Variants in TMPRSS11F observed in about 807,000 individuals in gnomAD.
TMPRSS11F encodes transmembrane serine protease 11F.
TMPRSS11F carries 47 observed loss-of-function variants against 60.2 expected under a neutral mutation model. The observed-to-expected ratio is 0.78, with a 90% CI of 0.62 to 1.00. The LOEUF is 1.00. Ranked by LOEUF, TMPRSS11F falls within the 50% of genes least tolerant of loss-of-function variation. The pLI is 0.00. For missense variants in TMPRSS11F, 519 were observed against 522.9 expected (o/e 0.99, Z 0.07); for synonymous variants, 166 against 167.3 (o/e 0.99, Z 0.06).
chr4:68,057,191 A>G (rs572800549), intron 9 of TMPRSS11F, among the ~76,000 whole-genome samples: 4 of 151,446 alleles, frequency 2.6e-5, no homozygotes, highest in Non-Finnish European at 5.9e-5. Context: ...AAGCTGAGAC[A>G]GGAGAATAAC....
intron 3 of TMPRSS11F, among the ~76,000 whole-genome samples, chr4:68,086,043 A>G (rs147071225): frequency 1.7e-3 from 252 of 152,256 alleles, no homozygotes; most frequent in African/African-American, 5.8e-3. Flanking sequence ...ACAAACACCT[A>G]CAGAATACTA....
Position 68,053,849 on chromosome 4 carries a change from A to G in TMPRSS11F, c.*60T>C. On this transcript the variant is annotated 3_prime_UTR_variant, in exon 10 of 10. Coordinates refer to ENST00000356291, the MANE Select transcript of TMPRSS11F (RefSeq NM_207407.2). The stretch of plus-strand genomic sequence containing the variant: ...TCCAAAGTAAATGAATTTAAACAAT[A>G]CAAAATACGCAGGAGTATCAGCTCT... 6.7e-7 allele frequency: 1 copy of G among 1,496,572 alleles called. No homozygotes were observed. Among genetic ancestry groups the G allele is most frequent in the Non-Finnish European group, 9.1e-7 (1 of 1,093,946 alleles). The allele number at this position is 1,496,572 out of a possible 1,614,324, so 92.7% of individuals were successfully genotyped here. A position where few individuals can be genotyped will look rare whatever the true frequency, so the allele number is the denominator to read the frequency against.
At chr4:68,082,134 G>A (rs76167385) in intron 3 of TMPRSS11F, among the ~76,000 whole-genome samples, 2,094 of 152,238 alleles carry the variant, frequency 0.014, 58 homozygotes, top group African/African-American at 0.047. Flanking sequence ...AACCCTATGT[G>A]GTCTTGCTGG....
At chr4:68,085,907 T>C (rs1303885867) in intron 3 of TMPRSS11F, among the ~76,000 whole-genome samples, 1 of 152,138 alleles carries the variant, frequency 6.6e-6, no homozygotes, top group Non-Finnish European at 1.5e-5. Flanking sequence ...TATGAAGACT[T>C]GGACAGCTAC....
intron 3 of TMPRSS11F, among the ~76,000 whole-genome samples, chr4:68,088,484 C>T (rs1235611614): frequency 8.6e-5 from 13 of 151,436 alleles, no homozygotes; most frequent in African/African-American, 1.9e-4. Context: ...GACAGATCAA[C>T]GAGACAGAAA....
At chr4:68,070,834 C>T (rs1034584915) in intron 5 of TMPRSS11F, among the ~76,000 whole-genome samples, 15 of 152,252 alleles carry the variant, frequency 9.9e-5, no homozygotes, top group Middle Eastern at 3.4e-3. Context: ...AAAAGGGATG[C>T]GAGCCCCAAT....
intron 3 of TMPRSS11F, among the ~76,000 whole-genome samples, chr4:68,079,021 C>A (rs574032920): frequency 8.4e-6 from 1 of 118,992 alleles, no homozygotes; most frequent in South Asian, 2.8e-4. Context: ...TATTAACAAA[C>A]CATAGTCCCC....
At chr4:68,087,409 T>C (rs1274935470) in intron 3 of TMPRSS11F, among the ~76,000 whole-genome samples, 1 of 152,124 alleles carries the variant, frequency 6.6e-6, no homozygotes, top group East Asian at 1.9e-4. Flanking sequence ...AACATCACAC[T>C]GAATGGGCAA....
In TMPRSS11F at chr4:68,053,918, A is replaced by C. The variant is rs1252138253; in HGVS notation, c.1308T>G (p.Thr436=). The C allele has an allele frequency of 1.9e-6, 3 of 1,613,186 alleles. No homozygotes were observed. Among genetic ancestry groups the C allele is most frequent in the African/African-American group, 2.7e-5 (2 of 74,900 alleles). ...TCATGGGCAATCCACACTACATACC[A>C]GTCTTTGAGGCAATCCAATCTCGAT... ...TKYRDWIASK[T]GM Residue 436 remains threonine (T), a synonymous_variant, in exon 10 of 10, where the codon ACT becomes ACG. Coordinates refer to ENST00000356291, the MANE Select transcript of TMPRSS11F (RefSeq NM_207407.2).
At chr4:68,092,033 G>T (rs963209752) in intron 2 of TMPRSS11F, among the ~76,000 whole-genome samples, 2 of 151,978 alleles carry the variant, frequency 1.3e-5, no homozygotes, top group African/African-American at 2.4e-5. Context: ...TGATCCATGA[G>T]CCTAGGCCTC....
intron 2 of TMPRSS11F, among the ~76,000 whole-genome samples, chr4:68,095,221 T>A (rs1212374131): frequency 1.3e-5 from 2 of 151,742 alleles, no homozygotes; most frequent in African/African-American, 4.8e-5. Context: ...GATTTGTGTA[T>A]ACATATGTGT....
chr4:68,090,735 A>G, intron 2 of TMPRSS11F, 94 bp from the exon 3 acceptor site: 1 of 1,492,378 alleles, frequency 6.7e-7, no homozygotes, highest in East Asian at 2.5e-5. Flanking sequence ...AGGCTACAAT[A>G]ATGCAGTTTA....
chr4:68,064,937 C>A lies in TMPRSS11F; in HGVS notation c.763G>T (p.Asp255Tyr). ...AAAGTAGCAATCCATTGAGTTGGGT[C>A]TTTATTTCTGCAAAAAATTAAAAAG... is the stretch of plus-strand genomic sequence containing the variant. ...TAAHCFWKNK[D>Y]PTQWIATFGA... is the part of the protein sequence containing the mutation. Residue 255 changes from aspartate (D) to tyrosine (Y), a missense_variant, in exon 8 of 10, where the codon GAC becomes TAC. Physicochemically the swap from Asp to Tyr is radical, Grantham distance 160. Coordinates refer to ENST00000356291, the MANE Select transcript of TMPRSS11F (RefSeq NM_207407.2). The A allele has an allele frequency of 6.2e-7, 1 of 1,608,788 alleles. No homozygotes were observed. The highest frequency in any genetic ancestry group is 1.1e-5 in the South Asian group (1 of 90,186).
chr4:68,083,886 C>T (rs1335521509), intron 3 of TMPRSS11F, among the ~76,000 whole-genome samples: 1 of 152,112 alleles, frequency 6.6e-6, no homozygotes, highest in Non-Finnish European at 1.5e-5. Context: ...AGCAAGGATA[C>T]TCATTGAGAT....
intron 9 of TMPRSS11F, among the ~76,000 whole-genome samples, chr4:68,055,743 C>T (rs1723030762): frequency 6.6e-6 from 1 of 152,110 alleles, no homozygotes; most frequent in African/African-American, 2.4e-5. Flanking sequence ...TACCTTGATA[C>T]TAAAGCCAGA....
chr4:68,090,361 A>G (rs1723899200), intron 3 of TMPRSS11F, among the ~76,000 whole-genome samples, 162 bp downstream of exon 3: 2 of 152,144 alleles, frequency 1.3e-5, no homozygotes, highest in South Asian at 2.1e-4. Flanking sequence ...TGAATATTTT[A>G]TACATATTAA....
intron 2 of TMPRSS11F, among the ~76,000 whole-genome samples, chr4:68,096,134 G>A (rs551574302): frequency 1.3e-5 from 2 of 150,960 alleles, no homozygotes; most frequent in East Asian, 3.9e-4. Flanking sequence ...AAAAAAACCA[G>A]ACTAAAGCTG....
chr4:68,084,209 T>C (rs1361195121), intron 3 of TMPRSS11F, among the ~76,000 whole-genome samples: 2 of 152,020 alleles, frequency 1.3e-5, no homozygotes, highest in Non-Finnish European at 2.9e-5. Context: ...ATTCCAGATA[T>C]ACAAGAAGAG....
chr4:68,072,631 A>T, intron 4 of TMPRSS11F, 145 bp from the exon 5 acceptor site: 2 of 481,564 alleles, frequency 4.2e-6, no homozygotes, highest in Non-Finnish European at 6.7e-6. Context: ...TACAGAGATT[A>T]AAAATGAGTG....
Sources: gnomAD v4.1 joint callset for allele counts (sites outside exome capture counted in the v4.1 genomes callset) on GRCh38, gnomAD v4.1.1 for gene constraint, MANE v1.5 for transcripts, NCBI Gene and HGNC (gene_info 2026-07-23, HGNC 2026-07-21) for gene names.